Variants in BMPER observed in about 807,000 individuals in gnomAD.
BMPER encodes the protein BMP binding endothelial regulator, also known as BMP-binding endothelial regulator protein.
A neutral mutation model predicts 87.3 loss-of-function variants in BMPER; 45 were observed. That is an observed-to-expected ratio of 0.52 (90% CI 0.41 to 0.66). The LOEUF (loss-of-function observed/expected upper bound fraction) is 0.66, where lower values mean the gene tolerates loss of function less well. BMPER is among the 30% of genes least tolerant of loss of function. The pLI is 0.00. For missense variants in BMPER, 784 were observed against 867.5 expected (o/e 0.90, Z 1.21); for synonymous variants, 326 against 316.2 (o/e 1.03, Z -0.33).
In BMPER at chr7:34,062,030, G is replaced by C. The variant is rs759309604; in HGVS notation, c.1061G>C (p.Cys354Ser). The change falls in exon 11 of 15, where the codon TGT becomes TCT. Residue 354 changes from cysteine (C) to serine (S), a missense_variant. Physicochemically the swap from Cys to Ser is moderately radical, Grantham distance 112. Coordinates refer to ENST00000649409, the MANE Select transcript of BMPER (RefSeq NM_001365308.1). ...QGKILNRKGC[C>S]PICTEKPGVC... ...AAAATTCTCAACAGAAAAGGATGCT[G>C]TCCTATTTGCACTGAAAGTAAGTTT... The C allele has an allele frequency of 6.2e-7, 1 of 1,609,884 alleles. No homozygotes were observed. The highest frequency in any genetic ancestry group is 1.1e-5 in the South Asian group (1 of 90,890).
In BMPER at chr7:34,094,747, A is replaced by G. The variant is rs1331871256; in HGVS notation, c.1745+8655A>G. Among the ~76,000 whole-genome samples the G allele has an allele frequency of 3.9e-5, 6 of 152,240 alleles. No individual in the cohort carries two copies. In the East Asian group the frequency reaches 7.7e-4, roughly 20 times the overall value. ...TGCGGAGAGGACCTACCCCATTGCTATGAGGGTTTGTGTGAGGGTTGCATC... is the reference window on the plus strand; with the variant it reads ...TGCGGAGAGGACCTACCCCATTGCTGTGAGGGTTTGTGTGAGGGTTGCATC... On this transcript the variant is annotated intron_variant, in intron 13 of 14. Transcript: ENST00000649409.
At chr7:33,999,490 G>A (rs908081061) in intron 6 of BMPER, among the ~76,000 whole-genome samples, 1 of 152,160 alleles carries the variant, frequency 6.6e-6, no homozygotes. Flanking sequence ...CAGGCTTTAC[G>A]TTATTTACTG....
At chr7:33,974,494 G>T (rs748689333) in intron 5 of BMPER, among the ~76,000 whole-genome samples, 8 of 152,002 alleles carry the variant, frequency 5.3e-5, no homozygotes, top group Non-Finnish European at 1.0e-4. Flanking sequence ...TGTCTTATTT[G>T]TTTTCCAGCA....
intron 6 of BMPER, among the ~76,000 whole-genome samples, chr7:33,998,995 A>G (rs1786501806): frequency 6.6e-6 from 1 of 152,250 alleles, no homozygotes; most frequent in Admixed American, 6.5e-5. Flanking sequence ...GGAGCTCTCA[A>G]CATCTCTTTC....
intron 10 of BMPER, among the ~76,000 whole-genome samples, chr7:34,061,473 A>C (rs1788433925): frequency 6.6e-6 from 1 of 152,222 alleles, no homozygotes; most frequent in Non-Finnish European, 1.5e-5. Flanking sequence ...ATTTTCTGAA[A>C]CAAGAAATCT....
intron 3 of BMPER, among the ~76,000 whole-genome samples, chr7:33,965,685 G>A (rs912740169): frequency 3.9e-5 from 6 of 152,110 alleles, no homozygotes; most frequent in East Asian, 3.9e-4. Context: ...TTCCTAGATC[G>A]TGTAACCCAC....
At chr7:34,121,644 T>C (rs546969462) in intron 13 of BMPER, among the ~76,000 whole-genome samples, 86 of 152,290 alleles carry the variant, frequency 5.6e-4, no homozygotes, top group African/African-American at 1.8e-3. Context: ...GAAATATAAA[T>C]CTACTGTTAT....
chr7:34,085,632 C>T, intron 12 of BMPER, 124 bp from the exon 13 acceptor site: 1 of 935,442 alleles, frequency 1.1e-6, no homozygotes, highest in Non-Finnish European at 1.7e-6. Flanking sequence ...AGAATTTGGA[C>T]CAACCCTTGG....
chr7:33,974,110 G>GC lies in BMPER; in HGVS notation c.494-592_494-591insC, dbSNP rs1490713498. ...ACAGTGCAGCAGATGGGTCAGAACT[G>GC]ATTTTGAATTCTAGCTCTGCCACCT... is the stretch of plus-strand genomic sequence containing the variant. On this transcript the variant is annotated intron_variant, in intron 5 of 14. Transcript: ENST00000649409. 2.6e-5 allele frequency among the ~76,000 whole-genome samples: 4 copies of GC among 152,274 alleles called. 1 individual carries two copies. The South Asian group carries it at 8.3e-4, about 32-fold the overall frequency.
At chr7:34,059,417 C>T (rs1039228171) in intron 10 of BMPER, among the ~76,000 whole-genome samples, 2 of 151,968 alleles carry the variant, frequency 1.3e-5, no homozygotes, top group African/African-American at 4.8e-5. Context: ...GGGAGGTCAA[C>T]GTTCTTTATG....
At chr7:34,010,647 T>C (rs1381881337) in intron 6 of BMPER, among the ~76,000 whole-genome samples, 1 of 151,948 alleles carries the variant, frequency 6.6e-6, no homozygotes, top group Non-Finnish European at 1.5e-5. Flanking sequence ...TCCACTGATA[T>C]AACATTAGGG....
At chr7:33,993,326 CT>C (rs1399562465) in intron 6 of BMPER, among the ~76,000 whole-genome samples, 1 of 148,350 alleles carries the variant, frequency 6.7e-6, no homozygotes, top group Non-Finnish European at 1.5e-5. Flanking sequence ...TCTTTTTATT[CT>C]TTTTTCTCTA....
intron 13 of BMPER, among the ~76,000 whole-genome samples, chr7:34,123,468 C>T (rs1790313776): frequency 6.6e-6 from 1 of 152,142 alleles, no homozygotes; most frequent in African/African-American, 2.4e-5. Flanking sequence ...GATGCCCTGG[C>T]CACACTCAGG....
At chr7:33,905,832 G>GT in intron 1 of BMPER, 86 bp downstream of exon 1, 10 of 988,036 alleles carry the variant, frequency 1.0e-5, no homozygotes, top group East Asian at 3.3e-5. Context: ...CCGGGGATGG[G>GT]AGGGTGGGGA....
intron 13 of BMPER, among the ~76,000 whole-genome samples, chr7:34,113,258 T>C (rs1053880535): frequency 1.3e-5 from 2 of 152,016 alleles, no homozygotes; most frequent in Non-Finnish European, 2.9e-5. Context: ...TTTTATAGTA[T>C]GCTGCAATAT....
intron 13 of BMPER, among the ~76,000 whole-genome samples, chr7:34,119,932 T>G (rs574049720): frequency 6.6e-6 from 1 of 151,982 alleles, no homozygotes; most frequent in Non-Finnish European, 1.5e-5. Flanking sequence ...AGCAAGCATA[T>G]CAGATGAAAT....
chr7:33,993,598 T>C (rs1250457994), intron 6 of BMPER, among the ~76,000 whole-genome samples: 8 of 152,052 alleles, frequency 5.3e-5, no homozygotes, highest in Non-Finnish European at 1.2e-4. Flanking sequence ...TTTGATCGTC[T>C]GAAGCCTTCT....
intron 2 of BMPER, among the ~76,000 whole-genome samples, chr7:33,931,365 C>T (rs994074526): frequency 6.6e-6 from 1 of 152,178 alleles, no homozygotes; most frequent in South Asian, 2.1e-4. Flanking sequence ...CTGCTAGCTG[C>T]CTCTTTGAGG....
chr7:34,027,464 G>A (rs543553529), intron 6 of BMPER, among the ~76,000 whole-genome samples: 1 of 152,052 alleles, frequency 6.6e-6, no homozygotes, highest in Non-Finnish European at 1.5e-5. Context: ...TTTATTAAAT[G>A]TTACTCTTGA....
Sources: allele counts gnomAD v4.1 joint callset (sites outside exome capture counted in the v4.1 genomes callset), GRCh38; gene constraint gnomAD v4.1.1; transcripts MANE v1.5; gene names NCBI Gene and HGNC (gene_info 2026-07-23, HGNC 2026-07-21).